Variants in ESRRG observed in about 807,000 individuals in gnomAD.
ESRRG encodes estrogen related receptor gamma.
Under a neutral mutation model 44.0 loss-of-function variants are expected in ESRRG, and 13 were observed. The observed-to-expected ratio is 0.30, with a 90% CI of 0.19 to 0.47. The LOEUF is 0.47. Among genes scored for constraint, ESRRG ranks in the 20% least tolerant of loss-of-function variants. The pLI, the probability that ESRRG is intolerant of heterozygous loss-of-function variation, is 1.00. For missense variants in ESRRG, 395 were observed against 580.6 expected (o/e 0.68, Z 3.29); for synonymous variants, 215 against 214.6 (o/e 1.00, Z -0.02).
chr1:216,847,570 A>G (rs917280299), intron 2 of ESRRG, among the ~76,000 whole-genome samples: 1 of 152,110 alleles, frequency 6.6e-6, no homozygotes, highest in Non-Finnish European at 1.5e-5. Flanking sequence ...AGAGATGATG[A>G]GAGCCAGGAT....
intron 1 of ESRRG, among the ~76,000 whole-genome samples, chr1:217,072,832 A>G (rs1016840410): frequency 3.3e-5 from 5 of 152,160 alleles, no homozygotes; most frequent in African/African-American, 1.2e-4. Context: ...TTTGCAGCTC[A>G]TGTGTTGTGT....
chr1:216,771,970 C>T (rs1002991571), intron 2 of ESRRG, among the ~76,000 whole-genome samples: 1 of 151,902 alleles, frequency 6.6e-6, no homozygotes, highest in African/African-American at 2.4e-5. Context: ...GAACATTTAA[C>T]TTCTCATAGC....
chr1:216,999,548 C>T (rs750605214), intron 1 of ESRRG, among the ~76,000 whole-genome samples: 11 of 152,082 alleles, frequency 7.2e-5, no homozygotes, highest in African/African-American at 2.7e-4. Flanking sequence ...CCAGGTCTAT[C>T]GGACTCCAAA....
At chr1:217,020,803 C>CAG (rs2080179908) in intron 1 of ESRRG, among the ~76,000 whole-genome samples, 2 of 152,184 alleles carry the variant, frequency 1.3e-5, no homozygotes, top group African/African-American at 2.4e-5. Context: ...CGTGATGTCT[C>CAG]ATTTGTTGTG....
intron 3 of ESRRG, among the ~76,000 whole-genome samples, chr1:216,599,517 T>C (rs1368858340): frequency 2.0e-5 from 3 of 152,186 alleles, no homozygotes. Flanking sequence ...TCTCCAAGTA[T>C]TCCATATTTT....
At chr1:217,060,335 T>C (rs192036668) in intron 1 of ESRRG, among the ~76,000 whole-genome samples, 80 of 152,258 alleles carry the variant, frequency 5.3e-4, no homozygotes, top group Admixed American at 1.7e-3. Context: ...CAAATCATGA[T>C]TGAAGTCATA....
intron 1 of ESRRG, among the ~76,000 whole-genome samples, chr1:217,026,284 C>T (rs2818805): frequency 0.88 from 133,463 of 152,210 alleles, 59,370 homozygotes; most frequent in Non-Finnish European, 0.96. Flanking sequence ...ACAGAACATC[C>T]TCCCCTTTAA....
intron 2 of ESRRG, among the ~76,000 whole-genome samples, chr1:216,923,425 A>G (rs1179658544): frequency 2.0e-5 from 3 of 152,268 alleles, no homozygotes; most frequent in Admixed American, 1.3e-4. Context: ...TCATTCGTTA[A>G]GCAAGATTTA....
chr1:216,745,889 A>G (rs955987740), intron 2 of ESRRG, among the ~76,000 whole-genome samples: 3 of 152,242 alleles, frequency 2.0e-5, no homozygotes, highest in Non-Finnish European at 2.9e-5. Context: ...AAATTGTAAA[A>G]AAGTATACAA....
At chr1:217,056,932 G>A (rs1580192251) in intron 1 of ESRRG, among the ~76,000 whole-genome samples, 1 of 152,160 alleles carries the variant, frequency 6.6e-6, no homozygotes, top group East Asian at 1.9e-4. Flanking sequence ...AGTACTCACT[G>A]GAGAGTTCAA....
At chr1:216,936,370 A>G (rs1300545509) in intron 2 of ESRRG, among the ~76,000 whole-genome samples, 1 of 152,104 alleles carries the variant, frequency 6.6e-6, no homozygotes, top group African/African-American at 2.4e-5. Flanking sequence ...TCTTTTATGA[A>G]GGATCTAATT....
At position 216,667,964 on chromosome 1, in the gene ESRRG, GCTGGCAC is replaced by G. The variant is rs370707856; in HGVS notation, c.472+9105_472+9111del. On this transcript the variant is annotated intron_variant, in intron 2 of 6. Coordinates refer to ENST00000408911, the MANE Select transcript of ESRRG (RefSeq NM_001438.4). ...ATACAAAAATTAGCCAGGTGTAGTG[GCTGGCAC>G]CTGTAATCCCAGCCACTCAGAAGGC... is the stretch of plus-strand genomic sequence containing the variant. 9.2e-3 allele frequency among the ~76,000 whole-genome samples: 1,391 copies of G among 151,764 alleles called. 23 individuals carry two copies. Among genetic ancestry groups the G allele is most frequent in the African/African-American group, 0.032 (1,316 of 41,346 alleles).
chr1:216,677,028 T>G (rs1274047988), intron 2 of ESRRG, 48 bp downstream of exon 2: 3 of 1,430,734 alleles, frequency 2.1e-6, no homozygotes, highest in Non-Finnish European at 2.9e-6. Flanking sequence ...CAAAAACCCA[T>G]CATGTGAGGT....
At chr1:217,113,205 C>T (rs1490977202) in intron 1 of ESRRG, among the ~76,000 whole-genome samples, 1 of 152,094 alleles carries the variant, frequency 6.6e-6, no homozygotes, top group Non-Finnish European at 1.5e-5. Flanking sequence ...CTTAGGAAGG[C>T]TGATTAAAGG....
intron 1 of ESRRG, among the ~76,000 whole-genome samples, chr1:217,015,008 A>C (rs1001169349): frequency 6.6e-6 from 1 of 152,174 alleles, no homozygotes; most frequent in African/African-American, 2.4e-5. Flanking sequence ...ATGACCAAAA[A>C]AAGCAGAAAC....
intron 2 of ESRRG, among the ~76,000 whole-genome samples, chr1:216,676,260 T>C (rs1392245684): frequency 2.6e-5 from 4 of 152,194 alleles, no homozygotes; most frequent in African/African-American, 4.8e-5. Context: ...TAAACAAATT[T>C]CAGTCCTATT....
intron 1 of ESRRG, among the ~76,000 whole-genome samples, chr1:217,073,187 C>T (rs985646731): frequency 4.5e-5 from 5 of 110,208 alleles, no homozygotes; most frequent in Non-Finnish European, 8.7e-5. Context: ...TGTCTTCATT[C>T]CTTTCTGGAC....
chr1:216,534,187 C>T (rs2050221268), intron 5 of ESRRG, among the ~76,000 whole-genome samples: 1 of 152,162 alleles, frequency 6.6e-6, no homozygotes, highest in Non-Finnish European at 1.5e-5. Flanking sequence ...ACCTCCTGTG[C>T]TTCTCGCTCA....
At chr1:217,110,969 C>T (rs1373363960) in intron 1 of ESRRG, among the ~76,000 whole-genome samples, 3 of 152,154 alleles carry the variant, frequency 2.0e-5, no homozygotes, top group East Asian at 1.9e-4. Flanking sequence ...ACTTTAATTT[C>T]GTACTGGTCA....
Sources: allele counts gnomAD v4.1 joint callset (sites outside exome capture counted in the v4.1 genomes callset), GRCh38; gene constraint gnomAD v4.1.1; transcripts MANE v1.5; gene names NCBI Gene and HGNC (gene_info 2026-07-23, HGNC 2026-07-21).